The following RIF1 variants were observed in gnomAD, a reference collection of about 807,000 sequenced individuals.
The protein encoded by RIF1 is replication timing regulatory factor 1.
RIF1 carries 45 observed loss-of-function variants against 247.1 expected under a neutral mutation model. That is an observed-to-expected ratio of 0.18 (90% CI 0.14 to 0.23). The LOEUF (loss-of-function observed/expected upper bound fraction) is 0.23, where lower values mean the gene tolerates loss of function less well. Among genes scored for constraint, RIF1 ranks in the 10% least tolerant of loss-of-function variants. The pLI, the probability that RIF1 is intolerant of heterozygous loss-of-function variation, is 1.00. For synonymous variants in RIF1, 1,087 were observed against 978.8 expected, an observed-to-expected ratio of 1.11 and a Z score of -2.06; for missense variants, 2,967 against 2,862.5, an observed-to-expected ratio of 1.04 and a Z score of -0.83.
chr2:151,458,023 T>C (rs1016130755), intron 24 of RIF1, 60 bp downstream of exon 24: 7 of 1,201,752 alleles, frequency 5.8e-6, no homozygotes, highest in Non-Finnish European at 5.9e-6. Flanking sequence ...TATAAATTGA[T>C]ACTTTGATTC....
At position 151,481,807 on chromosome 2, in the gene RIF1, A is replaced by G. The variant is rs1239745014; in HGVS notation, c.*6736A>G. On this transcript the variant is annotated 3_prime_UTR_variant, in exon 36 of 36. Coordinates refer to ENST00000444746, the MANE Select transcript of RIF1 (RefSeq NM_018151.5). ...AACCCTATTGTGAACTGCACATGCA[A>G]GAGATCTAGGTTGTGCGCTCATTAT... is the stretch of plus-strand genomic sequence containing the variant. 3 of 152,228 alleles carry G rather than the reference A, an allele frequency of 2.0e-5. No homozygotes were observed. The highest frequency in any genetic ancestry group is 6.5e-5 in the Admixed American group (1 of 15,282). The allele number at this position is 152,228 out of a possible 1,614,324, so 9.4% of individuals were successfully genotyped here.
At chr2:151,434,437 A>ATTTTTTTTTTTT (rs754795986) in intron 10 of RIF1, among the ~76,000 whole-genome samples, 22 of 107,034 alleles carry the variant, frequency 2.1e-4, no homozygotes, top group Non-Finnish European at 2.5e-4. Context: ...TGGTTTTTGA[A>ATTTTTTTTTTTT]TTTTTTTTTT....
At chr2:151,419,336 A>T (rs940768633) in intron 6 of RIF1, among the ~76,000 whole-genome samples, 45 of 151,700 alleles carry the variant, frequency 3.0e-4, no homozygotes, top group African/African-American at 1.0e-3. Context: ...TTTTATTACT[A>T]TTTTTTTTGA....
In RIF1 at chr2:151,436,916, C is replaced by T; in HGVS notation, c.1285C>T (p.Leu429Phe). The change falls in exon 12 of 36, where the codon CTT (leucine) becomes TTT (phenylalanine). Residue 429 changes from leucine to phenylalanine, a missense_variant. Leu to Phe is a conservative substitution (Grantham distance 22). Around this residue, in one of 7 missense-constraint regions of RIF1, gnomAD observed 369 missense variants for 322.0 expected, o/e 1.15. Transcript: ENST00000444746. Reference sequence around the variant, plus strand: ...AATGGCCACAATCCCATCCATTCAACTTTTGGGACTTGAAATGTTGCTTCA... The same window carrying T: ...AATGGCCACAATCCCATCCATTCAATTTTTGGGACTTGAAATGTTGCTTCA... ...GGMATIPSIQ[L>F]LGLEMLLHFL... 1.2e-6 allele frequency: 2 copies of T among 1,613,862 alleles called. No individual in the cohort carries two copies. Among genetic ancestry groups the T allele is most frequent in the East Asian group, 4.5e-5 (2 of 44,858 alleles).
At chr2:151,515,688 T>C in the RIF1 span, among the ~76,000 whole-genome samples, 4 of 152,290 alleles carry the variant, frequency 2.6e-5, no homozygotes, top group Admixed American at 1.3e-4. Flanking sequence ...AATTTTGTTA[T>C]TTTAATAGAA....
At chr2:151,442,161 C>A (rs1045409637) in intron 16 of RIF1, among the ~76,000 whole-genome samples, 170 bp downstream of exon 16, 1 of 151,104 alleles carries the variant, frequency 6.6e-6, no homozygotes, top group Non-Finnish European at 1.5e-5. Flanking sequence ...CTGCAACCTC[C>A]GCCTCCCAGG....
In RIF1 at chr2:151,459,052, C is replaced by T. The variant is rs1356592850; in HGVS notation, c.2955+142C>T. 5.5e-6 allele frequency: 3 copies of T among 543,164 alleles called. No homozygotes were observed. The African/African-American group carries it at 5.8e-5, about 11-fold the overall frequency. The allele number at this position is 543,164 out of a possible 1,614,324, so 33.6% of individuals were successfully genotyped here. On this transcript the variant is annotated intron_variant, in intron 25 of 35. Transcript: ENST00000444746. ...TTGTCAGTGGTGTGGCCTGAAATTTCTTTTGTGATTTTTCACTAGAGATTC... is the reference window on the plus strand; with the variant it reads ...TTGTCAGTGGTGTGGCCTGAAATTTTTTTTGTGATTTTTCACTAGAGATTC...
downstream of RIF1, chr2:151,512,806 T>C: frequency 6.2e-7 from 1 of 1,613,514 alleles, no homozygotes; most frequent in East Asian, 2.2e-5. Context: ...GAAATTGGCT[T>C]TCTCCATTTC....
chr2:151,415,563 C>CAAAAAAAAA (rs3040729), intron 4 of RIF1, among the ~76,000 whole-genome samples: 8 of 44,878 alleles, frequency 1.8e-4, no homozygotes, highest in African/African-American at 5.0e-4. Flanking sequence ...GACTCTGTCT[C>CAAAAAAAAA]AAAAAAAAAA....
intron 21 of RIF1, among the ~76,000 whole-genome samples, chr2:151,453,502 A>T (rs1256570926): frequency 2.0e-5 from 3 of 146,920 alleles, no homozygotes; most frequent in Admixed American, 7.0e-5. Context: ...TCCTGAACCC[A>T]GGAGGCAGAG....
At chr2:151,496,869 T>C in intron 10 of RIF1, 1 of 1,417,520 alleles carries the variant, frequency 7.1e-7, no homozygotes, top group East Asian at 2.5e-5. Context: ...ATAGGATTAA[T>C]ATGTATTATT....
chr2:151,432,508 C>G (rs1337791707), intron 9 of RIF1, among the ~76,000 whole-genome samples: 2 of 152,120 alleles, frequency 1.3e-5, no homozygotes, highest in Non-Finnish European at 2.9e-5. Flanking sequence ...AAAATGTATT[C>G]AGTCAGTGGC....
At chr2:151,455,329 T>C (rs1453199859) in intron 22 of RIF1, among the ~76,000 whole-genome samples, 170 bp downstream of exon 22, 1 of 152,200 alleles carries the variant, frequency 6.6e-6, no homozygotes, top group Non-Finnish European at 1.5e-5. Flanking sequence ...TATAGAAATA[T>C]GAGAGAGAAA....
At chr2:151,514,045 A>G in the RIF1 span, among the ~76,000 whole-genome samples, 1 of 152,266 alleles carries the variant, frequency 6.6e-6, no homozygotes, top group East Asian at 1.9e-4. Context: ...GTTTTCGTGT[A>G]GATGAGCACA....
chr2:151,463,508 G>C lies in RIF1; in HGVS notation c.3988G>C (p.Gly1330Arg). 6 of 1,613,970 alleles carry C rather than the reference G, an allele frequency of 3.7e-6. No homozygotes were observed. Among genetic ancestry groups the C allele is most frequent in the Non-Finnish European group, 5.1e-6 (6 of 1,179,932 alleles). Residue 1330 changes from glycine (G) to arginine (R), a missense_variant, in exon 30 of 36, where the codon GGT (glycine) becomes CGT (arginine). Gly to Arg is a moderately radical substitution (Grantham distance 125). Coordinates refer to ENST00000444746, the MANE Select transcript of RIF1 (RefSeq NM_018151.5). ...GIVVLENNPP[G>R]LLNQTECVSD... The stretch of plus-strand genomic sequence containing the variant: ...TGTAGTCTTAGAAAATAACCCACCT[G>C]GTTTGCTTAATCAAACAGAATGTGT...
chr2:151,511,777 CATG>C (rs747277701), downstream of RIF1, among the ~76,000 whole-genome samples: 152 of 152,268 alleles, frequency 1.0e-3, no homozygotes, highest in Non-Finnish European at 1.9e-3. Context: ...AGTTATTCAT[CATG>C]AGGGGAGTCA....
chr2:151,453,650 C>T (rs1694725484), intron 21 of RIF1, among the ~76,000 whole-genome samples: 2 of 149,532 alleles, frequency 1.3e-5, no homozygotes, highest in Non-Finnish European at 3.0e-5. Flanking sequence ...TACCATATTG[C>T]TTTAAGATTA....
At chr2:151,519,039 G>C in the RIF1 span, 4 of 1,613,472 alleles carry the variant, frequency 2.5e-6, no homozygotes, top group South Asian at 2.2e-5. Flanking sequence ...ACGGGTTTGT[G>C]AAGTTTCTTC....
intron 16 of RIF1, among the ~76,000 whole-genome samples, 161 bp downstream of exon 16, chr2:151,442,152 T>C (rs1381021909): frequency 1.3e-5 from 2 of 151,608 alleles, no homozygotes; most frequent in Non-Finnish European, 2.9e-5. Context: ...CTCGGCTCAC[T>C]GCAACCTCCG....
Sources: gnomAD v4.1 joint callset for allele counts (sites outside exome capture counted in the v4.1 genomes callset) on GRCh38, gnomAD v4.1.1 for gene constraint, gnomAD v4.1.1 regional missense constraint, MANE v1.5 for transcripts, NCBI Gene and HGNC (gene_info 2026-07-23, HGNC 2026-07-21) for gene names.